Variants in TRPS1 observed in about 807,000 individuals in gnomAD.
TRPS1 encodes the protein zinc finger transcription factor Trps1.
A neutral mutation model predicts 101.2 loss-of-function variants in TRPS1; 6 were observed. That is an observed-to-expected ratio of 0.06 (90% CI 0.03 to 0.12). The LOEUF (loss-of-function observed/expected upper bound fraction) is 0.12. Among genes scored for constraint, TRPS1 ranks in the 10% least tolerant of loss-of-function variants. The pLI is 1.00. For synonymous variants in TRPS1, 578 were observed against 589.8 expected, an observed-to-expected ratio of 0.98 and a Z score of 0.29; for missense variants, 1,363 against 1,567.0, an observed-to-expected ratio of 0.87 and a Z score of 2.20.
chr8:115,499,866 TG>T (rs1450742625), intron 5 of TRPS1, among the ~76,000 whole-genome samples: 6 of 152,142 alleles, frequency 3.9e-5, no homozygotes, highest in Non-Finnish European at 8.8e-5. Context: ...CAATGTGAAT[TG>T]ATTTGTAGTA....
intron 5 of TRPS1, among the ~76,000 whole-genome samples, chr8:115,548,685 A>G (rs1394957082): frequency 6.6e-6 from 1 of 152,214 alleles, no homozygotes; most frequent in Non-Finnish European, 1.5e-5. Context: ...AACCTTTAAC[A>G]TTAAATTCTT....
At chr8:115,416,924 A>G (rs555917570) in intron 6 of TRPS1, among the ~76,000 whole-genome samples, 1 of 152,306 alleles carries the variant, frequency 6.6e-6, no homozygotes, top group South Asian at 2.1e-4. Context: ...AAATTTGCAT[A>G]AATTCCTTTT....
chr8:115,561,596 C>G (rs3779880), intron 5 of TRPS1, among the ~76,000 whole-genome samples: 7 of 151,918 alleles, frequency 4.6e-5, no homozygotes, highest in African/African-American at 1.2e-4. Flanking sequence ...ATTTTACCCT[C>G]GGTAACCTTT....
At chr8:115,599,982 C>G (rs940549682) in intron 4 of TRPS1, among the ~76,000 whole-genome samples, 2 of 152,158 alleles carry the variant, frequency 1.3e-5, no homozygotes, top group African/African-American at 4.8e-5. Flanking sequence ...TCCTATTTCT[C>G]CACATCCTCA....
In TRPS1 at chr8:115,414,875, G is replaced by C. The variant is rs1812877349; in HGVS notation, c.3033C>G (p.Leu1011=). 1.9e-6 allele frequency: 3 copies of C among 1,613,002 alleles called. No homozygotes were observed. The highest frequency in any genetic ancestry group is 2.5e-6 in the Non-Finnish European group (3 of 1,179,402). The change falls in exon 7 of 7, where the codon CTC becomes CTG. Residue 1011 remains leucine (L), a synonymous_variant. Coordinates refer to ENST00000395715, the MANE Select transcript of TRPS1 (RefSeq NM_014112.5). This position sits in a 1 kb window ranked among gnomAD's most constrained non-coding sequence, Gnocchi z 4.8. ...GGGCTTCGTATTTACTTAGGCTGGG[G>C]AGTGGAATTTCTCTCTGGTGACTTT... ...LTESHQREIP[L]PSLSKYEAQG...
chr8:115,563,563 A>T (rs1172955409), intron 5 of TRPS1, among the ~76,000 whole-genome samples: 4 of 152,152 alleles, frequency 2.6e-5, no homozygotes, highest in Non-Finnish European at 4.4e-5. Context: ...AAAGAGAAAC[A>T]CTATCTTAGA....
At chr8:115,508,269 C>A (rs955873664) in intron 5 of TRPS1, among the ~76,000 whole-genome samples, 1 of 152,036 alleles carries the variant, frequency 6.6e-6, no homozygotes, top group Non-Finnish European at 1.5e-5. Context: ...ATTGATGGCA[C>A]GAACTTTCCT....
intron 1 of TRPS1, among the ~76,000 whole-genome samples, chr8:115,645,349 C>G (rs1317300651): frequency 6.6e-6 from 1 of 152,076 alleles, no homozygotes; most frequent in Non-Finnish European, 1.5e-5. Flanking sequence ...TTATTATTCT[C>G]CTGCCGAAAA....
At chr8:115,595,771 A>G (rs543085067) in intron 4 of TRPS1, among the ~76,000 whole-genome samples, 14 of 152,046 alleles carry the variant, frequency 9.2e-5, no homozygotes, top group Admixed American at 3.3e-4. Flanking sequence ...CCAAGACTTG[A>G]TAACTGTTCT....
At chr8:115,424,848 T>C (rs1162683366) in intron 5 of TRPS1, among the ~76,000 whole-genome samples, 1 of 152,212 alleles carries the variant, frequency 6.6e-6, no homozygotes, top group South Asian at 2.1e-4. Flanking sequence ...GTCAGATATG[T>C]AGTTGATATT....
chr8:115,481,236 C>T (rs1206279739), intron 5 of TRPS1, among the ~76,000 whole-genome samples: 2 of 152,026 alleles, frequency 1.3e-5, no homozygotes, highest in Non-Finnish European at 2.9e-5. Context: ...AGGCTGGTTG[C>T]CACCAAAAAT....
intron 5 of TRPS1, among the ~76,000 whole-genome samples, chr8:115,446,888 T>C (rs934213356): frequency 6.6e-6 from 1 of 152,156 alleles, no homozygotes; most frequent in African/African-American, 2.4e-5. Flanking sequence ...TGCTTAGCCT[T>C]GTTCTAATAT....
chr8:115,570,995 G>A (rs1029848145), intron 5 of TRPS1, among the ~76,000 whole-genome samples: 1 of 152,180 alleles, frequency 6.6e-6, no homozygotes, highest in Non-Finnish European at 1.5e-5. Flanking sequence ...TGGATCAATC[G>A]TCTGGACTGG....
chr8:115,646,555 T>C (rs1411895645), intron 1 of TRPS1, among the ~76,000 whole-genome samples: 2 of 152,170 alleles, frequency 1.3e-5, no homozygotes, highest in Non-Finnish European at 2.9e-5. Context: ...GATCCACATT[T>C]ATGACAACTG....
At chr8:115,508,905 C>A (rs554872844) in intron 5 of TRPS1, among the ~76,000 whole-genome samples, 1 of 151,760 alleles carries the variant, frequency 6.6e-6, no homozygotes, top group African/African-American at 2.4e-5. Flanking sequence ...TTCTGCATAC[C>A]CTGGAAACAT....
chr8:115,443,451 T>C (rs1223242336), intron 5 of TRPS1, among the ~76,000 whole-genome samples: 1 of 152,170 alleles, frequency 6.6e-6, no homozygotes, highest in Admixed American at 6.5e-5. Context: ...GCCTTGACAT[T>C]TGCACAATCT....
intron 1 of TRPS1, among the ~76,000 whole-genome samples, chr8:115,635,539 T>C (rs1441931467): frequency 1.3e-5 from 2 of 152,094 alleles, no homozygotes; most frequent in Admixed American, 1.3e-4. Flanking sequence ...AGAAGAAACT[T>C]ACCCTGAGTG....
chr8:115,606,169 A>T (rs955143110), intron 3 of TRPS1, among the ~76,000 whole-genome samples: 2 of 152,198 alleles, frequency 1.3e-5, no homozygotes. Flanking sequence ...AGTCTCAGGC[A>T]TCTCAAAATC....
intron 5 of TRPS1, among the ~76,000 whole-genome samples, chr8:115,444,298 G>C (rs948171283): frequency 5.9e-5 from 9 of 151,678 alleles, no homozygotes; most frequent in Admixed American, 5.9e-4. Context: ...ACATACAATA[G>C]AACAGGTGCT....
Sources: allele counts gnomAD v4.1 joint callset (sites outside exome capture counted in the v4.1 genomes callset), GRCh38; gene constraint gnomAD v4.1.1; non-coding constraint Gnocchi (gnomAD v3.1); transcripts MANE v1.5; gene names NCBI Gene and HGNC (gene_info 2026-07-23, HGNC 2026-07-21).